Variants in NFKB1 observed in about 807,000 individuals in gnomAD.
The protein encoded by NFKB1 is nuclear factor NF-kappa-B p105 subunit.
Under a neutral mutation model 105.1 loss-of-function variants are expected in NFKB1, and 9 were observed. The ratio of observed to expected loss-of-function variants is 0.09; its 90% CI spans 0.05 to 0.15. The LOEUF is 0.15. NFKB1 is among the 10% of genes least tolerant of loss of function. NFKB1 has a pLI of 1.00. For missense variants in NFKB1, 830 were observed against 1,203.7 expected (o/e 0.69, Z 4.59); for synonymous variants, 440 against 442.2 (o/e 1.00, Z 0.06).
At chr4:102,558,099 G>A (rs1281842462) in intron 5 of NFKB1, among the ~76,000 whole-genome samples, 2 of 148,632 alleles carry the variant, frequency 1.3e-5, no homozygotes, top group African/African-American at 2.5e-5. Flanking sequence ...ATAGGTAGAC[G>A]TGTCATGGGG....
intron 6 of NFKB1, among the ~76,000 whole-genome samples, chr4:102,569,081 A>G (rs1724102367): frequency 6.6e-6 from 1 of 152,074 alleles, no homozygotes; most frequent in African/African-American, 2.4e-5. Context: ...TAGCTGAGAA[A>G]TTTTTGCTTA....
rs1739022805 is a variant in NFKB1, at chr4:102,501,612, C to G, written c.-184C>G. On this transcript the variant is annotated 5_prime_UTR_variant, in exon 1 of 24. Transcript: ENST00000226574. ...CCCTCCGCCCGCGCTGCGGCCATGG[C>G]GCGGCGCTGACTGGCCTGGCCCGGC... 1 of 148,000 alleles carries G rather than the reference C, an allele frequency of 6.8e-6. No individual in the cohort carries two copies. The highest frequency in any genetic ancestry group is 6.7e-5 in the Admixed American group (1 of 14,892). The allele number at this position is 148,000 out of a possible 1,614,324, so 9.2% of individuals were successfully genotyped here.
intron 1 of NFKB1, among the ~76,000 whole-genome samples, chr4:102,510,124 C>T (rs1739683996): frequency 6.6e-6 from 1 of 152,160 alleles, no homozygotes; most frequent in Non-Finnish European, 1.5e-5. Context: ...CTTCTAAACC[C>T]TTAGGCCTGG....
chr4:102,544,894 C>G (rs1722020350), intron 5 of NFKB1, among the ~76,000 whole-genome samples: 1 of 152,018 alleles, frequency 6.6e-6, no homozygotes, highest in African/African-American at 2.4e-5. Context: ...GGTGACCTTC[C>G]TCTATTGGCC....
chr4:102,540,129 C>T (rs145988269), intron 5 of NFKB1, among the ~76,000 whole-genome samples: 4 of 152,192 alleles, frequency 2.6e-5, no homozygotes, highest in East Asian at 3.9e-4. Context: ...TAACTTTAAG[C>T]GAAAAACTGG....
rs376672271 is a variant in NFKB1 at position 102,567,146 on chromosome 4, G to A, written c.407+11G>A. On this transcript the variant is annotated intron_variant, in intron 6 of 23. Coordinates refer to ENST00000226574, the MANE Select transcript of NFKB1 (RefSeq NM_003998.4). Reference sequence around the variant, plus strand: ...GGACATGGTGGTCGGGTAAGTAGGGGTATATGATGCTGTGGAAGGTAGGAA... The same window carrying A: ...GGACATGGTGGTCGGGTAAGTAGGGATATATGATGCTGTGGAAGGTAGGAA... The A allele has an allele frequency of 7.4e-6, 12 of 1,612,310 alleles. No individual in the cohort carries two copies. The highest frequency in any genetic ancestry group is 1.3e-5 in the African/African-American group (1 of 74,866).
chr4:102,536,752 T>C (rs1233276758), intron 4 of NFKB1, among the ~76,000 whole-genome samples: 1 of 152,148 alleles, frequency 6.6e-6, no homozygotes, highest in East Asian at 1.9e-4. Context: ...TCTAGTGCTG[T>C]ATATGCAGAG....
At chr4:102,507,059 C>A (rs1290209992) in intron 1 of NFKB1, among the ~76,000 whole-genome samples, 1 of 147,422 alleles carries the variant, frequency 6.8e-6, no homozygotes, top group Non-Finnish European at 1.5e-5. Flanking sequence ...ATATTAGTTA[C>A]AAATATGTAT....
chr4:102,584,652 C>T, intron 10 of NFKB1, 30 bp from the exon 11 acceptor site: 2 of 1,552,338 alleles, frequency 1.3e-6, no homozygotes, highest in Admixed American at 2.0e-5. Context: ...TGTAGTCCTA[C>T]ACCAACATGT....
Position 102,612,243 on chromosome 4 carries a change from T to A in NFKB1, c.2419+133T>A, listed in dbSNP as rs193010997. On this transcript the variant is annotated intron_variant, in intron 21 of 23. Transcript: ENST00000226574. ...AGAACCAAAAGATGCTGGAGGTAGA[T>A]AAGGAGAATATCCAGTTTTAATCTA... 25 of 962,620 alleles carry A rather than the reference T, an allele frequency of 2.6e-5. No homozygotes were observed. The East Asian group carries it at 6.4e-4, about 25-fold the overall frequency. 59.6% of individuals were successfully genotyped at this position (962,620 alleles called of 1,614,324 possible).
intron 6 of NFKB1, among the ~76,000 whole-genome samples, chr4:102,572,881 A>G (rs995507467): frequency 9.2e-5 from 14 of 152,094 alleles, no homozygotes; most frequent in Admixed American, 6.5e-4. Flanking sequence ...ATCTGGTATC[A>G]TTTTCTTCTG....
chr4:102,571,317 T>C (rs1487253584), intron 6 of NFKB1, among the ~76,000 whole-genome samples: 1 of 152,184 alleles, frequency 6.6e-6, no homozygotes, highest in Non-Finnish European at 1.5e-5. Context: ...CCTTACACCT[T>C]ATACAAAAAT....
rs367880245 is a variant in NFKB1 at position 102,593,636 on chromosome 4, T to C, written c.1210+68T>C. The C allele has an allele frequency of 8.6e-6, 13 of 1,502,952 alleles. No homozygotes were observed. The African/African-American group carries it at 1.3e-4, about 15-fold the overall frequency. The allele number at this position is 1,502,952 out of a possible 1,614,324, so 93.1% of individuals were successfully genotyped here. On this transcript the variant is annotated intron_variant, in intron 12 of 23. Coordinates refer to ENST00000226574, the MANE Select transcript of NFKB1 (RefSeq NM_003998.4). ...GAGGGTAGAATTTTCTTTTCTTTGG[T>C]TTCTGAGCATGTCTGTGAGTTGAGT...
intron 1 of NFKB1, among the ~76,000 whole-genome samples, chr4:102,513,064 G>A (rs1265206675): frequency 6.6e-6 from 1 of 152,158 alleles, no homozygotes; most frequent in Non-Finnish European, 1.5e-5. Context: ...TCAAGGCAGA[G>A]GCTATATATC....
intron 5 of NFKB1, among the ~76,000 whole-genome samples, chr4:102,547,224 C>A (rs1233177471): frequency 6.6e-6 from 1 of 152,004 alleles, no homozygotes; most frequent in African/African-American, 2.4e-5. Context: ...GAAAATAAAA[C>A]CAAGTCGAAT....
intron 5 of NFKB1, among the ~76,000 whole-genome samples, chr4:102,563,459 T>C (rs1723602568): frequency 6.6e-6 from 1 of 152,076 alleles, no homozygotes; most frequent in Non-Finnish European, 1.5e-5. Flanking sequence ...AAAAAAACTT[T>C]CAGGATGGTC....
rs1394843923 is a variant in NFKB1, at chr4:102,616,400, AT to A, written c.2750-32del. The A allele has an allele frequency of 5.0e-6, 8 of 1,610,002 alleles. No homozygotes were observed. The Admixed American group carries it at 1.3e-4, about 27-fold the overall frequency. On this transcript the variant is annotated intron_variant, in intron 23 of 23. Transcript: ENST00000226574. ...TCCATGAGCTTTTTAGAGCCCGGCC[AT>A]TCCCCCAGTGAATTTGTGCTTTCTC... is the stretch of plus-strand genomic sequence containing the variant.
intron 4 of NFKB1, among the ~76,000 whole-genome samples, chr4:102,536,197 G>A (rs2149126054): frequency 6.6e-6 from 1 of 152,064 alleles, no homozygotes; most frequent in East Asian, 1.9e-4. Flanking sequence ...AACCAACAGT[G>A]TTTGCTTACA....
chr4:102,534,516 C>T (rs1178069309), intron 4 of NFKB1, among the ~76,000 whole-genome samples: 1 of 152,138 alleles, frequency 6.6e-6, no homozygotes, highest in Non-Finnish European at 1.5e-5. Context: ...ACTGAAATGG[C>T]CTCCTCACTG....
Sources: gnomAD v4.1 joint callset for allele counts (sites outside exome capture counted in the v4.1 genomes callset) on GRCh38, gnomAD v4.1.1 for gene constraint, MANE v1.5 for transcripts, NCBI Gene and HGNC (gene_info 2026-07-23, HGNC 2026-07-21) for gene names.